ROBO1: variants seen among roughly 807,000 people sequenced by gnomAD.
ROBO1 encodes the protein roundabout homolog 1.
A neutral mutation model predicts 195.9 loss-of-function variants in ROBO1; 149 were observed. That is an observed-to-expected ratio of 0.76 (90% CI 0.67 to 0.87). The LOEUF is 0.87. ROBO1 is among the 40% of genes least tolerant of loss of function. The pLI, the probability that ROBO1 is intolerant of heterozygous loss-of-function variation, is 0.00. For missense variants in ROBO1, 1,933 were observed against 2,068.3 expected (o/e 0.93, Z 1.27); for synonymous variants, 816 against 733.2 (o/e 1.11, Z -1.82).
intron 1 of ROBO1, among the ~76,000 whole-genome samples, chr3:79,684,552 C>T (rs1273352392): frequency 6.6e-6 from 1 of 151,918 alleles, no homozygotes; most frequent in South Asian, 2.1e-4. Flanking sequence ...TCTGAACTTC[C>T]TCAGGGAAAG....
chr3:78,676,292 G>A (rs1453324409), intron 10 of ROBO1, among the ~76,000 whole-genome samples: 1 of 152,204 alleles, frequency 6.6e-6, no homozygotes, highest in Non-Finnish European at 1.5e-5. Context: ...AAGGAACGCA[G>A]TTCCTCACCA....
chr3:79,706,485 G>A (rs1214693886), intron 1 of ROBO1, among the ~76,000 whole-genome samples: 1 of 152,070 alleles, frequency 6.6e-6, no homozygotes, highest in Admixed American at 6.6e-5. Context: ...TTACACATCT[G>A]AGATAAATCC....
intron 2 of ROBO1, among the ~76,000 whole-genome samples, chr3:79,383,807 A>G (rs1277116345): frequency 6.6e-6 from 1 of 151,992 alleles, no homozygotes; most frequent in African/African-American, 2.4e-5. Context: ...GCCAGCGTAG[A>G]TGTCTGGGCA....
chr3:78,793,943 G>C (rs953770885), intron 4 of ROBO1, among the ~76,000 whole-genome samples: 10 of 152,062 alleles, frequency 6.6e-5, no homozygotes, highest in African/African-American at 2.4e-4. Context: ...TATATTGACT[G>C]TAGAATTGTT....
At chr3:79,757,370 C>T (rs1460237664) in intron 1 of ROBO1, among the ~76,000 whole-genome samples, 5 of 152,214 alleles carry the variant, frequency 3.3e-5, no homozygotes, top group African/African-American at 9.6e-5. Context: ...ACCTGACAGA[C>T]AATAACCAGA....
intron 1 of ROBO1, among the ~76,000 whole-genome samples, chr3:79,606,584 G>A (rs905129014): frequency 2.0e-5 from 3 of 151,818 alleles, no homozygotes; most frequent in Non-Finnish European, 4.4e-5. Flanking sequence ...AGCCATTTAT[G>A]TATTACTTAA....
In ROBO1 at chr3:78,662,028, C is replaced by T. The variant is rs752683550; in HGVS notation, c.2053G>A (p.Val685Ile). 5.5e-5 allele frequency: 88 copies of T among 1,604,454 alleles called. No homozygotes were observed. Among genetic ancestry groups the T allele is most frequent in the Middle Eastern group, 1.7e-4 (1 of 5,914 alleles). Reference protein sequence around the residue: ...NAVLHLHNPTVLSSSSIEVHW... With the variant: ...NAVLHLHNPTILSSSSIEVHW... ...ACTTCGATGGAAGAGGAAGAAAGGA[C>T]GGTGGGGTTGTGGAGGTGCAGAACA... Residue 685 changes from valine to isoleucine, a missense_variant, in exon 15 of 31, where the codon GTC becomes ATC. Transcript: ENST00000464233.
intron 2 of ROBO1, among the ~76,000 whole-genome samples, chr3:79,490,788 C>T (rs1433630989): frequency 6.6e-6 from 1 of 152,120 alleles, no homozygotes; most frequent in Non-Finnish European, 1.5e-5. Context: ...ATTTGCATTC[C>T]TAGCTGAGAC....
chr3:78,929,412 A>T (rs2039387010), intron 4 of ROBO1, among the ~76,000 whole-genome samples: 1 of 152,160 alleles, frequency 6.6e-6, no homozygotes, highest in Admixed American at 6.5e-5. Context: ...TTGCATATGT[A>T]AAGTGTCTCA....
chr3:78,792,865 G>A (rs898138004), intron 4 of ROBO1, among the ~76,000 whole-genome samples: 4 of 152,004 alleles, frequency 2.6e-5, no homozygotes, highest in South Asian at 2.1e-4. Context: ...TTTGGAAGGC[G>A]AAGGTGGGAG....
intron 4 of ROBO1, among the ~76,000 whole-genome samples, chr3:78,818,321 C>A (rs2030377098): frequency 6.6e-6 from 1 of 152,146 alleles, no homozygotes. Context: ...GCATGTATAG[C>A]TGGGCTGACC....
chr3:78,847,826 T>C (rs542158761), intron 4 of ROBO1, among the ~76,000 whole-genome samples: 1 of 152,304 alleles, frequency 6.6e-6, no homozygotes, highest in African/African-American at 2.4e-5. Flanking sequence ...CACCATTCAT[T>C]TGCAATGAGT....
intron 2 of ROBO1, among the ~76,000 whole-genome samples, chr3:79,337,008 C>T (rs930823499): frequency 2.0e-5 from 3 of 152,164 alleles, no homozygotes; most frequent in African/African-American, 4.8e-5. Flanking sequence ...CCTATAGCCC[C>T]TTTGTTTTGT....
intron 2 of ROBO1, among the ~76,000 whole-genome samples, chr3:79,435,982 AG>A (rs370107581): frequency 2.0e-5 from 3 of 152,286 alleles, no homozygotes; most frequent in African/African-American, 7.2e-5. Context: ...AACTATTGTG[AG>A]AATCAGAGTC....
At chr3:78,934,069 A>AG (rs1161826941) in intron 4 of ROBO1, among the ~76,000 whole-genome samples, 2 of 152,018 alleles carry the variant, frequency 1.3e-5, no homozygotes, top group Non-Finnish European at 2.9e-5. Context: ...TCATTTTTGA[A>AG]ATCAGAACTG....
chr3:79,543,130 A>T (rs1942138692), intron 2 of ROBO1, among the ~76,000 whole-genome samples: 1 of 152,084 alleles, frequency 6.6e-6, no homozygotes, highest in Admixed American at 6.6e-5. Flanking sequence ...CAAGAGGGAG[A>T]GAAGCTATTC....
At chr3:79,159,213 A>C (rs115059963) in intron 2 of ROBO1, among the ~76,000 whole-genome samples, 3,161 of 152,072 alleles carry the variant, frequency 0.021, 58 homozygotes, top group Middle Eastern at 0.024. Flanking sequence ...ATTACTCTTG[A>C]ATAGGGAAAA....
At chr3:79,448,543 A>C (rs1055847991) in intron 2 of ROBO1, among the ~76,000 whole-genome samples, 1 of 152,086 alleles carries the variant, frequency 6.6e-6, no homozygotes, top group Non-Finnish European at 1.5e-5. Flanking sequence ...ATTATACTGA[A>C]GTGTTCTTGC....
At chr3:79,026,905 C>T (rs2078212239) in intron 3 of ROBO1, among the ~76,000 whole-genome samples, 1 of 151,698 alleles carries the variant, frequency 6.6e-6, no homozygotes, top group Non-Finnish European at 1.5e-5. Context: ...TTTTTCATTG[C>T]TTTTTAAAAA....
Sources: gnomAD v4.1 joint callset for allele counts (sites outside exome capture counted in the v4.1 genomes callset) on GRCh38, gnomAD v4.1.1 for gene constraint, MANE v1.5 for transcripts, NCBI Gene and HGNC (gene_info 2026-07-23, HGNC 2026-07-21) for gene names.